GRIP1: variants seen among roughly 807,000 people sequenced by gnomAD.
GRIP1 encodes glutamate receptor-interacting protein 1.
A neutral mutation model predicts 129.9 loss-of-function variants in GRIP1; 45 were observed. That is an observed-to-expected ratio of 0.35 (90% confidence interval 0.27 to 0.44). The LOEUF is 0.44. Among genes scored for constraint, GRIP1 ranks in the 20% least tolerant of loss-of-function variants. GRIP1 has a pLI of 1.00. For missense variants in GRIP1, 1,196 were observed against 1,396.8 expected, an observed-to-expected ratio of 0.86 and a Z score of 2.29; for synonymous variants, 530 against 520.8, an observed-to-expected ratio of 1.02 and a Z score of -0.24.
In GRIP1 at chr12:66,428,405, C is replaced by G. The variant is rs12319078; in HGVS notation, c.1768+4143G>C. On this transcript the variant is annotated intron_variant, in intron 14 of 24. Transcript: ENST00000359742. ...TTTGTTGTGCTTGTCATCACAAAGGCTGCTTCATGATTTTATAAGAAAATA... is the reference window on the plus strand; with the variant it reads ...TTTGTTGTGCTTGTCATCACAAAGGGTGCTTCATGATTTTATAAGAAAATA... Among the ~76,000 whole-genome samples the G allele has an allele frequency of 5.0e-3, 762 of 152,284 alleles. 9 individuals carry two copies. Among genetic ancestry groups the G allele is most frequent in the African/African-American group, 0.017 (712 of 41,562 alleles).
chr12:66,742,707 G>A (rs987953987), intron 1 of GRIP1, among the ~76,000 whole-genome samples: 1 of 152,076 alleles, frequency 6.6e-6, no homozygotes, highest in African/African-American at 2.4e-5. Flanking sequence ...CAACATTTGA[G>A]GAAGTGGCTG....
chr12:66,854,636 A>T (rs934226113), intron 1 of GRIP1, among the ~76,000 whole-genome samples: 1 of 152,058 alleles, frequency 6.6e-6, no homozygotes, highest in African/African-American at 2.4e-5. Flanking sequence ...ATTCAGCAAG[A>T]TTACACAGTT....
At chr12:66,591,703 C>T (rs1272236249) in intron 2 of GRIP1, among the ~76,000 whole-genome samples, 1 of 152,094 alleles carries the variant, frequency 6.6e-6, no homozygotes, top group Non-Finnish European at 1.5e-5. Flanking sequence ...AATCAAGATT[C>T]ACTGCAGCCT....
At chr12:66,978,477 T>C (rs1457419714) in intron 1 of GRIP1, among the ~76,000 whole-genome samples, 3 of 152,178 alleles carry the variant, frequency 2.0e-5, no homozygotes, top group African/African-American at 7.2e-5. Context: ...CCACTCTCTC[T>C]CCCTGCTCAG....
At chr12:66,909,438 A>G (rs1278201925) in intron 1 of GRIP1, among the ~76,000 whole-genome samples, 3 of 152,266 alleles carry the variant, frequency 2.0e-5, no homozygotes, top group African/African-American at 7.2e-5. Context: ...GTTTTGAAAA[A>G]TCATTGCATA....
chr12:66,608,297 C>T (rs1478605249), intron 1 of GRIP1, among the ~76,000 whole-genome samples: 1 of 152,080 alleles, frequency 6.6e-6, no homozygotes, highest in African/African-American at 2.4e-5. Flanking sequence ...ATTATAAACA[C>T]AAAACCTCAC....
intron 1 of GRIP1, among the ~76,000 whole-genome samples, chr12:66,744,799 A>G (rs1322693923): frequency 1.3e-5 from 2 of 152,140 alleles, no homozygotes; most frequent in Non-Finnish European, 2.9e-5. Context: ...TGAGTAACTC[A>G]TCCATCATAA....
At chr12:66,622,241 T>C (rs2065300575) in intron 1 of GRIP1, among the ~76,000 whole-genome samples, 1 of 152,040 alleles carries the variant, frequency 6.6e-6, no homozygotes, top group Admixed American at 6.6e-5. Context: ...ACAAGTCACT[T>C]TTGCCCCAAA....
intron 1 of GRIP1, among the ~76,000 whole-genome samples, chr12:66,700,109 C>A (rs1055874052): frequency 6.6e-6 from 1 of 151,996 alleles, no homozygotes; most frequent in Non-Finnish European, 1.5e-5. Context: ...GTGGTGGGGG[C>A]TGGGGGAAAC....
At chr12:66,446,762 A>G (rs2058642485) in intron 11 of GRIP1, among the ~76,000 whole-genome samples, 1 of 151,752 alleles carries the variant, frequency 6.6e-6, no homozygotes, top group South Asian at 2.1e-4. Context: ...TGCTTCTTCA[A>G]CTCTCTTCAT....
At chr12:66,779,026 T>G (rs2038075197) in intron 1 of GRIP1, among the ~76,000 whole-genome samples, 1 of 152,086 alleles carries the variant, frequency 6.6e-6, no homozygotes, top group South Asian at 2.1e-4. Flanking sequence ...TTGGGAGCAC[T>G]TTTCCCCAAA....
intron 23 of GRIP1, among the ~76,000 whole-genome samples, chr12:66,366,840 C>A (rs181256227): frequency 6.2e-5 from 8 of 128,528 alleles, no homozygotes; most frequent in African/African-American, 2.4e-4. Context: ...CAAGCCACCA[C>A]GCCCGGCTAA....
Position 66,867,740 on chromosome 12 carries a change from A to G in GRIP1, c.58+201310T>C, listed in dbSNP as rs2040230136. Among the ~76,000 whole-genome samples the G allele has an allele frequency of 8.5e-5, 13 of 152,302 alleles. No individual in the cohort carries two copies. In the South Asian group the frequency reaches 2.7e-3, roughly 32 times the overall value. ...CTAAGGTGCTTTTAATTAAAAATAA[A>G]TGCACCAGAAAACTACATGTCAGTT... On this transcript the variant is annotated intron_variant, in intron 1 of 1. Coordinates refer to the GRIP1 transcript ENST00000643019.
chr12:66,809,197 T>C (rs907879745), intron 1 of GRIP1, among the ~76,000 whole-genome samples: 2 of 152,222 alleles, frequency 1.3e-5, no homozygotes, highest in Non-Finnish European at 2.9e-5. Context: ...TCCGTACTCT[T>C]CTGAACTGGA....
chr12:66,513,748 A>G (rs11176239), intron 7 of GRIP1, among the ~76,000 whole-genome samples: 74,754 of 151,984 alleles, frequency 0.49, 18,937 homozygotes, highest in African/African-American at 0.62. Flanking sequence ...GGAGCTGACT[A>G]GGAACTCTAG....
At chr12:66,650,177 C>T (rs566385331) in intron 1 of GRIP1, among the ~76,000 whole-genome samples, 3 of 152,288 alleles carry the variant, frequency 2.0e-5, no homozygotes, top group African/African-American at 7.2e-5. Context: ...TCCACCTGTG[C>T]AGTTCTCAGA....
chr12:66,924,764 G>A (rs888957411), intron 1 of GRIP1, among the ~76,000 whole-genome samples: 8 of 152,232 alleles, frequency 5.3e-5, no homozygotes, highest in African/African-American at 1.7e-4. Context: ...TCAGGAGATC[G>A]AGACCATCCT....
chr12:66,620,846 C>T (rs1191491340), intron 1 of GRIP1, among the ~76,000 whole-genome samples: 1 of 151,604 alleles, frequency 6.6e-6, no homozygotes. Context: ...GCTGCTTCTT[C>T]CTCATCATAA....
At chr12:66,682,721 C>T (rs2034632702), upstream of GRIP1, among the ~76,000 whole-genome samples, 1 of 152,026 alleles carries the variant, frequency 6.6e-6, no homozygotes. Flanking sequence ...TCATCATAAA[C>T]CAAAAATGTT....
Sources: allele counts gnomAD v4.1 joint callset (sites outside exome capture counted in the v4.1 genomes callset), GRCh38; gene constraint gnomAD v4.1.1; transcripts MANE v1.5; gene names NCBI Gene and HGNC (gene_info 2026-07-23, HGNC 2026-07-21).